The following DOCK7 variants were observed in gnomAD, a reference collection of about 807,000 sequenced individuals.
DOCK7 encodes dedicator of cytokinesis protein 7.
Under a neutral mutation model 271.0 loss-of-function variants are expected in DOCK7, and 138 were observed. The observed-to-expected ratio is 0.51, with a 90% CI of 0.44 to 0.59. The LOEUF is 0.59. DOCK7 is among the 20% of genes least tolerant of loss of function. The pLI is 0.00. For synonymous variants in DOCK7, 823 were observed against 876.1 expected (o/e 0.94, Z 1.07); for missense variants, 2,066 against 2,592.4 (o/e 0.80, Z 4.41).
chr1:62,675,365 G>A (rs1356774085), intron 1 of DOCK7, among the ~76,000 whole-genome samples: 1 of 152,124 alleles, frequency 6.6e-6, no homozygotes, highest in Non-Finnish European at 1.5e-5. Flanking sequence ...ACGCACCACT[G>A]AACTACAGCC....
chr1:62,556,826 A>T (rs542398590), intron 20 of DOCK7, among the ~76,000 whole-genome samples: 39 of 152,288 alleles, frequency 2.6e-4, no homozygotes, highest in African/African-American at 8.9e-4. Flanking sequence ...AGGAAGATTA[A>T]TCTATATATA....
intron 16 of DOCK7, 112 bp from the exon 17 acceptor site, chr1:62,579,078 C>T: frequency 9.4e-7 from 1 of 1,066,292 alleles, no homozygotes. Flanking sequence ...AATTTTTCCT[C>T]TAGTCCAAAA....
chr1:62,505,952 A>C (rs1374530140), intron 35 of DOCK7, 136 bp from the exon 36 acceptor site: 1 of 819,666 alleles, frequency 1.2e-6, no homozygotes, highest in Non-Finnish European at 1.8e-6. Flanking sequence ...AAATGATAAC[A>C]TAAGATCTAG....
intron 31 of DOCK7, among the ~76,000 whole-genome samples, chr1:62,524,955 A>ATATATATATATATATC: frequency 7.8e-6 from 1 of 128,750 alleles, no homozygotes; most frequent in Non-Finnish European, 1.7e-5. Flanking sequence ...ATATATATAT[A>ATATATATATATATATC]TTACTATAAA....
rs202233162 is a variant in DOCK7 at position 62,619,140 on chromosome 1, G to GA, written c.1520-273dup. Among the ~76,000 whole-genome samples the GA allele has an allele frequency of 6.1e-3, 907 of 149,896 alleles. 4 individuals carry two copies. Among genetic ancestry groups the GA allele is most frequent in the Non-Finnish European group, 9.3e-3 (627 of 67,292 alleles). ...ATGAAGGAAGGAAGAAGCAAAAATA[G>GA]AAAAAAAAACCAGAGGGATCTGGCA... On this transcript the variant is annotated intron_variant, in intron 13 of 49. Coordinates refer to ENST00000635253, the MANE Select transcript of DOCK7 (RefSeq NM_001367561.1).
intron 42 of DOCK7, 82 bp downstream of exon 42, chr1:62,488,852 G>C (rs1194485561): frequency 1.3e-6 from 2 of 1,559,872 alleles, no homozygotes; most frequent in East Asian, 2.3e-5. Flanking sequence ...ACGGGATCTA[G>C]TTTGACATCA....
Position 62,567,260 on chromosome 1 carries a change from C to T in DOCK7, c.2113-5557G>A, listed in dbSNP as rs145020889. The stretch of plus-strand genomic sequence containing the variant: ...GACACATACACACATATGTTTACTG[C>T]GGCACTATTCACAAGAGCAAAGACT... On this transcript the variant is annotated intron_variant, in intron 18 of 49. Transcript: ENST00000635253. 3.9e-5 allele frequency among the ~76,000 whole-genome samples: 6 copies of T among 152,188 alleles called. No individual in the cohort carries two copies. In the East Asian group the frequency reaches 7.7e-4, roughly 20 times the overall value.
At chr1:62,553,283 G>C (rs1645978166) in intron 21 of DOCK7, among the ~76,000 whole-genome samples, 1 of 137,462 alleles carries the variant, frequency 7.3e-6, no homozygotes, top group African/African-American at 2.7e-5. Flanking sequence ...TCCGCCTGAA[G>C]AGGCAGGGTC....
At chr1:62,613,072 A>G (rs187769760) in intron 14 of DOCK7, among the ~76,000 whole-genome samples, 1 of 152,332 alleles carries the variant, frequency 6.6e-6, no homozygotes, top group Admixed American at 6.5e-5. Context: ...TTTGGAACAC[A>G]AGTAACATTG....
chr1:62,670,962 G>A (rs191177833), intron 1 of DOCK7, among the ~76,000 whole-genome samples: 11 of 152,066 alleles, frequency 7.2e-5, no homozygotes, highest in Admixed American at 3.9e-4. Flanking sequence ...CACTCCCCGC[G>A]AAGATCTGCA....
intron 37 of DOCK7, 107 bp downstream of exon 37, chr1:62,504,522 TA>T: frequency 8.1e-7 from 1 of 1,233,450 alleles, no homozygotes; most frequent in Non-Finnish European, 1.1e-6. Flanking sequence ...ATGATTAGAC[TA>T]AAAATATACA....
intron 1 of DOCK7, among the ~76,000 whole-genome samples, chr1:62,671,785 T>A (rs1050851357): frequency 5.3e-5 from 8 of 152,124 alleles, no homozygotes; most frequent in Non-Finnish European, 8.8e-5. Context: ...CTATTCTGTA[T>A]GAAACTTTTT....
intron 1 of DOCK7, among the ~76,000 whole-genome samples, chr1:62,672,679 G>A (rs1036323509): frequency 6.6e-6 from 1 of 151,950 alleles, no homozygotes; most frequent in African/African-American, 2.4e-5. Context: ...ATTTTTGAGG[G>A]CTTTCTGTAT....
chr1:62,614,179 CCATT>C (rs1652156245), intron 14 of DOCK7, among the ~76,000 whole-genome samples: 1 of 152,022 alleles, frequency 6.6e-6, no homozygotes, highest in Admixed American at 6.6e-5. Flanking sequence ...TCCAGCATAA[CCATT>C]CAGTTAGCAA....
At chr1:62,558,961 G>A (rs370443397) in intron 20 of DOCK7, 28 bp downstream of exon 20, 129 of 1,510,822 alleles carry the variant, frequency 8.5e-5, no homozygotes, top group South Asian at 6.8e-4. Flanking sequence ...TAAATTTCAC[G>A]TCTCATCCCC....
At chr1:62,501,376 T>C (rs954155542) in intron 37 of DOCK7, among the ~76,000 whole-genome samples, 3 of 152,046 alleles carry the variant, frequency 2.0e-5, no homozygotes, top group East Asian at 1.9e-4. Flanking sequence ...AGAAAGGAGA[T>C]AGAAAGAAGT....
At chr1:62,601,250 T>C in intron 14 of DOCK7, 2 of 1,189,872 alleles carry the variant, frequency 1.7e-6, no homozygotes. Flanking sequence ...AAATTCCCTA[T>C]TCTTAGGACT....
intron 14 of DOCK7, chr1:62,602,457 A>G: frequency 6.1e-6 from 8 of 1,313,932 alleles, no homozygotes; most frequent in Admixed American, 1.7e-5. Context: ...TGGACCAGGT[A>G]TTAGGAAAAG....
intron 1 of DOCK7, among the ~76,000 whole-genome samples, chr1:62,683,225 T>C (rs1049639276): frequency 6.6e-6 from 1 of 152,176 alleles, no homozygotes; most frequent in African/African-American, 2.4e-5. Context: ...ATATTCAGCA[T>C]TAAGAATTAG....
Sources: gnomAD v4.1 joint callset for allele counts (sites outside exome capture counted in the v4.1 genomes callset) on GRCh38, gnomAD v4.1.1 for gene constraint, MANE v1.5 for transcripts, NCBI Gene and HGNC (gene_info 2026-07-23, HGNC 2026-07-21) for gene names.